Variants in ABCC9 observed in about 807,000 individuals in gnomAD.
The protein encoded by ABCC9 is ATP-binding cassette sub-family C member 9.
ABCC9 carries 95 observed loss-of-function variants against 188.3 expected under a neutral mutation model. The observed-to-expected ratio is 0.50, with a 90% confidence interval of 0.43 to 0.60. ABCC9 has a LOEUF of 0.60. Among genes scored for constraint, ABCC9 ranks in the 20% least tolerant of loss-of-function variants. The pLI is 0.00. For missense variants in ABCC9, 1,102 were observed against 1,876.3 expected (o/e 0.59, Z 7.62); for synonymous variants, 659 against 652.7 (o/e 1.01, Z -0.15).
rs555464455 is a variant in ABCC9 at position 21,852,605 on chromosome 12, A to G, written c.2506-100T>C. ...TAATACAAATAACTAAGGGCAAATC[A>G]TCCCCCAAATCTAATTTATTTAAAA... On this transcript the variant is annotated intron_variant, in intron 22 of 39. Transcript: ENST00000261200. 6.0e-6 allele frequency: 8 copies of G among 1,330,962 alleles called. No homozygotes were observed. In the South Asian group the frequency reaches 9.7e-5, roughly 16 times the overall value. 82.4% of individuals were successfully genotyped at this position (1,330,962 alleles called of 1,614,324 possible). A position where few individuals can be genotyped will look rare whatever the true frequency, so the allele number is the denominator to read the frequency against.
chr12:21,828,944 T>G lies in ABCC9; in HGVS notation c.3669+14A>C, dbSNP rs557362637. On this transcript the variant is annotated intron_variant, in intron 31 of 39. Transcript: ENST00000261200. The stretch of plus-strand genomic sequence containing the variant: ...CTATTTGGTTTCCATTTCGAAATCA[T>G]GAAATGAACGTACCGTCCTGACCTC... The G allele has an allele frequency of 6.2e-7, 1 of 1,604,916 alleles. No individual in the cohort carries two copies. Among genetic ancestry groups the G allele is most frequent in the Admixed American group, 1.7e-5 (1 of 60,004 alleles).
chr12:21,849,749 A>C (rs1013983270), intron 24 of ABCC9, among the ~76,000 whole-genome samples: 11 of 152,214 alleles, frequency 7.2e-5, no homozygotes, highest in African/African-American at 2.4e-4. Flanking sequence ...TCATTTATCC[A>C]ATAAATATTC....
chr12:21,929,579 AAAAG>A (rs1276405547), intron 4 of ABCC9, among the ~76,000 whole-genome samples: 14 of 152,104 alleles, frequency 9.2e-5, no homozygotes, highest in Admixed American at 3.9e-4. Flanking sequence ...TTTATTTAAA[AAAAG>A]AAAGATGGAG....
At chr12:21,868,642 A>T (rs961841117) in intron 18 of ABCC9, among the ~76,000 whole-genome samples, 3 of 152,184 alleles carry the variant, frequency 2.0e-5, no homozygotes, top group Non-Finnish European at 4.4e-5. Context: ...CTGTCTCAAT[A>T]AATAAATAAA....
At chr12:21,821,367 A>T (rs1355840847) in intron 31 of ABCC9, among the ~76,000 whole-genome samples, 1 of 152,152 alleles carries the variant, frequency 6.6e-6, no homozygotes, top group East Asian at 1.9e-4. Context: ...TAAAGTGAAA[A>T]GTACTTTTAC....
rs1044296374 is a variant in ABCC9 at position 21,918,651 on chromosome 12, T to C, written c.407-1548A>G. On this transcript the variant is annotated intron_variant, in intron 5 of 39. Transcript: ENST00000261200. ...ATTCAGGACTTTGAGCCAGGGTCAATTGGGTTCTCTATTCCAGGTTCTCAC... is the reference window on the plus strand; with the variant it reads ...ATTCAGGACTTTGAGCCAGGGTCAACTGGGTTCTCTATTCCAGGTTCTCAC... Among the ~76,000 whole-genome samples the C allele has an allele frequency of 5.3e-5, 8 of 152,128 alleles. No homozygotes were observed. In the South Asian group the frequency reaches 1.5e-3, roughly 28 times the overall value.
At chr12:21,918,703 T>C (rs531201714) in intron 5 of ABCC9, among the ~76,000 whole-genome samples, 7 of 152,086 alleles carry the variant, frequency 4.6e-5, no homozygotes, top group Admixed American at 1.3e-4. Flanking sequence ...CTCCAGGTTC[T>C]CACCAGGTTC....
intron 14 of ABCC9, 107 bp from the exon 15 acceptor site, chr12:21,888,041 C>A: frequency 4.9e-6 from 4 of 820,572 alleles, no homozygotes; most frequent in Non-Finnish European, 8.5e-6. Flanking sequence ...GAGTAGGATG[C>A]CTGTGAGAGT....
At chr12:21,853,930 A>T (rs1163113164) in intron 22 of ABCC9, among the ~76,000 whole-genome samples, 1 of 152,186 alleles carries the variant, frequency 6.6e-6, no homozygotes, top group Non-Finnish European at 1.5e-5. Flanking sequence ...TGGGAAAAAA[A>T]GTTTATAAAG....
At chr12:21,816,061 T>TG in intron 33 of ABCC9, among the ~76,000 whole-genome samples, 168 bp from the exon 34 acceptor site, 2 of 127,144 alleles carry the variant, frequency 1.6e-5, no homozygotes, top group South Asian at 2.4e-4. Context: ...TTTTTTTTTT[T>TG]TTTTTTTTTT....
chr12:21,816,036 GTTTTTTTTTTTTTT>G (rs10611051), intron 33 of ABCC9, 143 bp from the exon 34 acceptor site: 902 of 58,188 alleles, frequency 0.016, 35 homozygotes, highest in South Asian at 0.047. Flanking sequence ...CTATGTGGCA[GTTTTTTTTTTTTTT>G]TTTTTTTTTT....
intron 10 of ABCC9, 97 bp from the exon 11 acceptor site, chr12:21,908,308 A>ATTAT: frequency 7.1e-7 from 1 of 1,415,348 alleles, no homozygotes; most frequent in Non-Finnish European, 9.8e-7. Flanking sequence ...GTATTTCTTA[A>ATTAT]TTATTATATT....
chr12:21,924,046 A>G (rs1008126721), intron 5 of ABCC9: 1 of 436,406 alleles, frequency 2.3e-6, no homozygotes, highest in East Asian at 3.4e-5. Flanking sequence ...AAGTTCTAGA[A>G]CAGGCAAACC....
At chr12:21,937,606 CA>C (rs1312595276) in intron 2 of ABCC9, among the ~76,000 whole-genome samples, 1 of 152,148 alleles carries the variant, frequency 6.6e-6, no homozygotes, top group Non-Finnish European at 1.5e-5. Context: ...AGGTCTGCTC[CA>C]TGAAAATACT....
chr12:21,827,905 C>G (rs1044617234), intron 31 of ABCC9, among the ~76,000 whole-genome samples: 5 of 152,174 alleles, frequency 3.3e-5, no homozygotes, highest in African/African-American at 1.2e-4. Flanking sequence ...ACAAGGATGT[C>G]CAAGATTCTT....
At position 21,913,030 on chromosome 12, in the gene ABCC9, T is replaced by C. The variant is rs370662364; in HGVS notation, c.853A>G (p.Ile285Val). The C allele has an allele frequency of 1.2e-6, 2 of 1,607,070 alleles. No individual in the cohort carries two copies. The highest frequency in any genetic ancestry group is 2.2e-5 in the East Asian group (1 of 44,754). ...VADHPNRTPS[I>V]WLAMYRAFGR... ...AAAGCTCTGTACATTGCAAGCCATA[T>C]AGATGGAGTCCGATTTGGATGATCT... is the stretch of plus-strand genomic sequence containing the variant. Residue 285 changes from isoleucine to valine, a missense_variant, in exon 8 of 40, where the codon ATA becomes GTA. By Grantham distance (29) the Ile-to-Val change is conservative (BLOSUM62 3). Around this residue, in one of 12 missense-constraint regions of ABCC9, gnomAD observed 305 missense variants for 573.0 expected, o/e 0.53. Transcript: ENST00000261200.
intron 15 of ABCC9, among the ~76,000 whole-genome samples, 169 bp downstream of exon 15, chr12:21,887,657 G>A (rs1284485800): frequency 2.0e-5 from 3 of 152,126 alleles, no homozygotes; most frequent in South Asian, 4.2e-4. Flanking sequence ...TTATACATTC[G>A]TCTATTGATT....
chr12:21,896,094 T>A (rs1947395898), intron 12 of ABCC9, among the ~76,000 whole-genome samples: 1 of 25,194 alleles, frequency 4.0e-5, no homozygotes, highest in Non-Finnish European at 1.3e-4. Flanking sequence ...TTTTTTTTTT[T>A]TTTTACTTTT....
chr12:21,847,278 T>C (rs1327732426), intron 25 of ABCC9, among the ~76,000 whole-genome samples: 1 of 152,042 alleles, frequency 6.6e-6, no homozygotes, highest in Non-Finnish European at 1.5e-5. Context: ...TTATATAGAG[T>C]TCTAGAAGCT....
Sources: gnomAD v4.1 joint callset for allele counts (sites outside exome capture counted in the v4.1 genomes callset) on GRCh38, gnomAD v4.1.1 for gene constraint, gnomAD v4.1.1 regional missense constraint, MANE v1.5 for transcripts, NCBI Gene and HGNC (gene_info 2026-07-23, HGNC 2026-07-21) for gene names.